Variants in OSTN observed in about 807,000 individuals in gnomAD.
The protein encoded by OSTN is osteocrin.
OSTN carries 9 observed loss-of-function variants against 12.0 expected under a neutral mutation model. The ratio of observed to expected loss-of-function variants is 0.75; its 90% confidence interval spans 0.45 to 1.30. The LOEUF (loss-of-function observed/expected upper bound fraction) is 1.30. Among genes scored for constraint, OSTN ranks in the 50% most tolerant of loss-of-function variants. OSTN has a pLI of 0.00. For missense variants in OSTN, 148 were observed against 152.3 expected (o/e 0.97, Z 0.15); for synonymous variants, 59 against 56.9 (o/e 1.04, Z -0.16).
chr3:191,245,733 G>T (rs971945946), intron 3 of OSTN, among the ~76,000 whole-genome samples: 1 of 152,044 alleles, frequency 6.6e-6, no homozygotes, highest in Non-Finnish European at 1.5e-5. Flanking sequence ...TGGTAGGAGA[G>T]ACCAAAGAAT....
chr3:191,227,464 T>C (rs1277680383), intron 3 of OSTN, among the ~76,000 whole-genome samples: 1 of 152,222 alleles, frequency 6.6e-6, no homozygotes, highest in Admixed American at 6.5e-5. Context: ...TTTTTGGCCC[T>C]GCCTTCCTCC....
intron 4 of OSTN, among the ~76,000 whole-genome samples, chr3:191,253,911 T>C (rs1418610630): frequency 1.3e-5 from 2 of 152,220 alleles, no homozygotes; most frequent in Non-Finnish European, 2.9e-5. Flanking sequence ...ACTTTGAAAC[T>C]TAAAAAGCGT....
At chr3:191,250,653 T>C (rs1715542597) in intron 4 of OSTN, among the ~76,000 whole-genome samples, 1 of 152,204 alleles carries the variant, frequency 6.6e-6, no homozygotes, top group South Asian at 2.1e-4. Flanking sequence ...TTCATTATCT[T>C]GTTTCTGTTA....
At chr3:191,219,925 CCAT>C (rs1340370046) in intron 3 of OSTN, among the ~76,000 whole-genome samples, 12 of 152,292 alleles carry the variant, frequency 7.9e-5, no homozygotes, top group African/African-American at 2.9e-4. Flanking sequence ...ACCTCCACCA[CCAT>C]CATCACCCCT....
chr3:191,248,182 C>T (rs1715478235), intron 3 of OSTN, among the ~76,000 whole-genome samples: 1 of 151,644 alleles, frequency 6.6e-6, no homozygotes, highest in African/African-American at 2.4e-5. Context: ...TCAGGAGCAC[C>T]GATATGACTG....
At position 191,262,972 on chromosome 3, in the gene OSTN, C is replaced by G. The variant is rs1157268367; in HGVS notation, c.*119C>G. 1.5e-6 allele frequency: 1 copy of G among 675,650 alleles called. No individual in the cohort carries two copies. Among genetic ancestry groups the G allele is most frequent in the African/African-American group, 1.8e-5 (1 of 56,768 alleles). 41.9% of individuals were successfully genotyped at this position (675,650 alleles called of 1,614,324 possible). The stretch of plus-strand genomic sequence containing the variant: ...TTTAAGGAACTGACCTTCTGCAAAT[C>G]CTTTCCAAAGCTTGAACTTCAGTCC... On this transcript the variant is annotated 3_prime_UTR_variant, in exon 5 of 5. Transcript: ENST00000682035.
chr3:191,243,632 A>T (rs1225159172), intron 3 of OSTN, among the ~76,000 whole-genome samples: 1 of 152,140 alleles, frequency 6.6e-6, no homozygotes, highest in African/African-American at 2.4e-5. Context: ...ATATGTACAC[A>T]TTGTGAAATG....
intron 1 of OSTN, among the ~76,000 whole-genome samples, chr3:191,207,002 A>T (rs1274359447): frequency 6.6e-6 from 1 of 152,200 alleles, no homozygotes; most frequent in Non-Finnish European, 1.5e-5. Context: ...AGAAGATTTT[A>T]GGCGGTGTTG....
intron 1 of OSTN, among the ~76,000 whole-genome samples, chr3:191,211,592 C>T (rs971678279): frequency 2.6e-5 from 4 of 152,152 alleles, no homozygotes; most frequent in South Asian, 2.1e-4. Context: ...CAATTTTCTC[C>T]AAATGATTAG....
intron 3 of OSTN, among the ~76,000 whole-genome samples, chr3:191,239,196 TACA>T (rs1470313833): frequency 6.6e-6 from 1 of 152,216 alleles, no homozygotes; most frequent in Admixed American, 6.5e-5. Flanking sequence ...CAAATGAAAG[TACA>T]CTCCATAGTG....
chr3:191,243,807 A>C (rs1011961223), intron 3 of OSTN, among the ~76,000 whole-genome samples: 11 of 152,148 alleles, frequency 7.2e-5, no homozygotes, highest in African/African-American at 2.7e-4. Flanking sequence ...TAATATCAAC[A>C]TTATTAACTA....
At chr3:191,226,878 A>G (rs1330146434) in intron 3 of OSTN, among the ~76,000 whole-genome samples, 1 of 152,152 alleles carries the variant, frequency 6.6e-6, no homozygotes, top group Non-Finnish European at 1.5e-5. Context: ...TGCATCAGAG[A>G]TTTGATTGAA....
At chr3:191,246,327 C>T (rs568795199) in intron 3 of OSTN, among the ~76,000 whole-genome samples, 8 of 151,986 alleles carry the variant, frequency 5.3e-5, no homozygotes, top group Admixed American at 2.6e-4. Flanking sequence ...ACTAGTAGGC[C>T]GGGTGTGGTG....
intron 1 of OSTN, among the ~76,000 whole-genome samples, chr3:191,202,767 G>T (rs1402600128): frequency 6.6e-6 from 1 of 152,160 alleles, no homozygotes; most frequent in African/African-American, 2.4e-5. Flanking sequence ...GCCGATATGT[G>T]CAACTCTATT....
chr3:191,210,249 T>C (rs1332900504), intron 1 of OSTN, among the ~76,000 whole-genome samples: 1 of 152,102 alleles, frequency 6.6e-6, no homozygotes. Context: ...CTGCCTCCAT[T>C]ATCCAGTGGT....
intron 3 of OSTN, among the ~76,000 whole-genome samples, chr3:191,238,956 T>A (rs1715261885): frequency 6.6e-6 from 1 of 152,258 alleles, no homozygotes; most frequent in South Asian, 2.1e-4. Context: ...CAGGATATTT[T>A]TGTATGAATA....
At chr3:191,249,530 G>A (rs964837832) in intron 3 of OSTN, among the ~76,000 whole-genome samples, 18 of 152,064 alleles carry the variant, frequency 1.2e-4, no homozygotes, top group African/African-American at 4.1e-4. Context: ...GCTTCTCTGG[G>A]TGGAGTCTAA....
At chr3:191,240,086 T>C (rs1715285543) in intron 3 of OSTN, among the ~76,000 whole-genome samples, 1 of 152,222 alleles carries the variant, frequency 6.6e-6, no homozygotes, top group South Asian at 2.1e-4. Context: ...GAATGTAGAA[T>C]TGAGAAAAAA....
intron 3 of OSTN, among the ~76,000 whole-genome samples, chr3:191,232,223 C>T (rs912094291): frequency 5.4e-5 from 8 of 148,250 alleles, no homozygotes; most frequent in South Asian, 4.3e-4. Flanking sequence ...CCCAGCTACT[C>T]GGGAGGCTGA....
Sources: gnomAD v4.1 joint callset for allele counts (sites outside exome capture counted in the v4.1 genomes callset) on GRCh38, gnomAD v4.1.1 for gene constraint, MANE v1.5 for transcripts, NCBI Gene and HGNC (gene_info 2026-07-23, HGNC 2026-07-21) for gene names.